GNAQ: variants seen among roughly 807,000 people sequenced by gnomAD.
The protein encoded by GNAQ is G protein subunit alpha q.
In GNAQ, 8 loss-of-function variants were observed where a neutral mutation model predicts 43.9. The observed-to-expected ratio is 0.18, with a 90% CI of 0.11 to 0.33. The LOEUF is 0.33. Among genes scored for constraint, GNAQ ranks in the 10% least tolerant of loss-of-function variants. The probability of loss-of-function intolerance (pLI) is 1.00; values close to 1 mark genes in which losing one functional copy is unlikely to be tolerated. For missense variants in GNAQ, 158 were observed against 450.8 expected, an observed-to-expected ratio of 0.35 and a Z score of 5.88; for synonymous variants, 155 against 170.7, an observed-to-expected ratio of 0.91 and a Z score of 0.71.
intron 2 of GNAQ, among the ~76,000 whole-genome samples, chr9:77,861,092 A>G (rs1359196953): frequency 6.6e-6 from 1 of 152,182 alleles, no homozygotes; most frequent in East Asian, 1.9e-4. Context: ...GTGGCTGGGG[A>G]GGCCTCACAA....
chr9:77,885,278 C>G (rs1337571005), intron 2 of GNAQ, among the ~76,000 whole-genome samples: 1 of 152,106 alleles, frequency 6.6e-6, no homozygotes, highest in Non-Finnish European at 1.5e-5. Flanking sequence ...TCAGCAAGCT[C>G]AAGGAGCCGG....
intron 1 of GNAQ, among the ~76,000 whole-genome samples, chr9:77,993,261 A>T (rs2118528913): frequency 6.6e-6 from 1 of 152,298 alleles, no homozygotes; most frequent in South Asian, 2.1e-4. Flanking sequence ...CTGTCAGAAA[A>T]TATTAACAGT....
chr9:77,867,753 TC>T (rs1404658416), intron 2 of GNAQ, among the ~76,000 whole-genome samples: 3 of 152,152 alleles, frequency 2.0e-5, no homozygotes, highest in African/African-American at 4.8e-5. Context: ...TGCAGTCCTT[TC>T]TAAGAAGTGA....
intron 5 of GNAQ, among the ~76,000 whole-genome samples, chr9:77,774,162 G>A (rs550148352): frequency 5.3e-5 from 8 of 151,984 alleles, no homozygotes; most frequent in Non-Finnish European, 1.0e-4. Flanking sequence ...TACACTCTCT[G>A]CATTTGTTCC....
chr9:77,939,377 A>G (rs966173230), intron 1 of GNAQ, among the ~76,000 whole-genome samples: 1 of 152,212 alleles, frequency 6.6e-6, no homozygotes, highest in Non-Finnish European at 1.5e-5. Flanking sequence ...GAAGAACTAA[A>G]TATGTTTACT....
At chr9:77,925,371 G>T (rs954185551) in intron 1 of GNAQ, among the ~76,000 whole-genome samples, 3 of 152,116 alleles carry the variant, frequency 2.0e-5, no homozygotes, top group Non-Finnish European at 4.4e-5. Flanking sequence ...ACTTCTGGAA[G>T]CCAATCATGA....
chr9:77,959,082 C>G lies in GNAQ; in HGVS notation c.137-36737G>C, dbSNP rs113997973. 4.9e-3 allele frequency among the ~76,000 whole-genome samples: 749 copies of G among 152,256 alleles called. 9 individuals are homozygous for G. The highest frequency in any genetic ancestry group is 0.017 in the African/African-American group (722 of 41,530). ...TTTGAAAGGTGTGGTATATAAACATCTCCATTAGAATCACGCAAGGAGAGG... is the reference window on the plus strand; with the variant it reads ...TTTGAAAGGTGTGGTATATAAACATGTCCATTAGAATCACGCAAGGAGAGG... On this transcript the variant is annotated intron_variant, in intron 1 of 6. Coordinates refer to ENST00000286548, the MANE Select transcript of GNAQ (RefSeq NM_002072.5).
At chr9:77,971,433 A>T (rs1823235528) in intron 1 of GNAQ, among the ~76,000 whole-genome samples, 1 of 152,170 alleles carries the variant, frequency 6.6e-6, no homozygotes, top group Non-Finnish European at 1.5e-5. Flanking sequence ...TATCTACCAC[A>T]ATTAAGATGG....
chr9:77,913,856 G>A (rs1319469996), intron 2 of GNAQ, among the ~76,000 whole-genome samples: 1 of 152,020 alleles, frequency 6.6e-6, no homozygotes, highest in Non-Finnish European at 1.5e-5. Context: ...AAACACACAC[G>A]ACTCAATACT....
At chr9:77,985,633 G>T (rs1481146776) in intron 1 of GNAQ, among the ~76,000 whole-genome samples, 1 of 152,070 alleles carries the variant, frequency 6.6e-6, no homozygotes, top group Non-Finnish European at 1.5e-5. Context: ...GGCTCAGGCT[G>T]GAGTGCAGTG....
chr9:77,974,204 G>C (rs1823272000), intron 1 of GNAQ, among the ~76,000 whole-genome samples: 1 of 152,136 alleles, frequency 6.6e-6, no homozygotes. Flanking sequence ...GAGCAAGTAA[G>C]CTGGAGCTGA....
chr9:77,971,863 A>G (rs568119924), intron 1 of GNAQ, among the ~76,000 whole-genome samples: 1 of 152,252 alleles, frequency 6.6e-6, no homozygotes, highest in East Asian at 1.9e-4. Flanking sequence ...GGTCCTTCAC[A>G]TCCCTTGTAA....
At chr9:77,986,221 C>A (rs1037945539) in intron 1 of GNAQ, among the ~76,000 whole-genome samples, 1 of 152,144 alleles carries the variant, frequency 6.6e-6, no homozygotes, top group Non-Finnish European at 1.5e-5. Context: ...ATTTCCCATC[C>A]AACAGAATCC....
intron 3 of GNAQ, among the ~76,000 whole-genome samples, chr9:77,802,498 T>A (rs893736189): frequency 1.3e-5 from 2 of 151,932 alleles, no homozygotes; most frequent in African/African-American, 4.8e-5. Context: ...AAAAAAAAAA[T>A]TGGTGGAATA....
intron 2 of GNAQ, among the ~76,000 whole-genome samples, chr9:77,817,893 G>A (rs1310404145): frequency 2.0e-5 from 3 of 152,104 alleles, no homozygotes; most frequent in African/African-American, 4.8e-5. Flanking sequence ...AGATGAAGAT[G>A]AATGATCCCT....
chr9:77,859,052 CAG>C, intron 2 of GNAQ, among the ~76,000 whole-genome samples: 1 of 152,268 alleles, frequency 6.6e-6, no homozygotes, highest in Non-Finnish European at 1.5e-5. Context: ...AACACAGGAG[CAG>C]AGTCCTGCCT....
intron 5 of GNAQ, among the ~76,000 whole-genome samples, chr9:77,783,989 A>G (rs1165813293): frequency 6.6e-6 from 1 of 152,246 alleles, no homozygotes; most frequent in Non-Finnish European, 1.5e-5. Context: ...TGAAGCCTCA[A>G]AAATAGAGAA....
At chr9:77,935,702 G>A (rs1829221390) in intron 1 of GNAQ, among the ~76,000 whole-genome samples, 2 of 152,104 alleles carry the variant, frequency 1.3e-5, no homozygotes, top group African/African-American at 4.8e-5. Flanking sequence ...GTTAAAAAAG[G>A]TACCCTATGG....
chr9:77,825,643 C>G (rs967500553), intron 2 of GNAQ, among the ~76,000 whole-genome samples: 1 of 152,098 alleles, frequency 6.6e-6, no homozygotes, highest in Non-Finnish European at 1.5e-5. Context: ...TCAGACTCAA[C>G]CAAGTGTAAA....
Sources: gnomAD v4.1 joint callset for allele counts (sites outside exome capture counted in the v4.1 genomes callset) on GRCh38, gnomAD v4.1.1 for gene constraint, MANE v1.5 for transcripts, NCBI Gene and HGNC (gene_info 2026-07-23, HGNC 2026-07-21) for gene names.